Variants in VWA8 observed in about 807,000 individuals in gnomAD.
VWA8 encodes the protein von Willebrand factor A domain containing 8, also known as von Willebrand factor A domain-containing protein 8.
A neutral mutation model predicts 241.5 loss-of-function variants in VWA8; 221 were observed. That is an observed-to-expected ratio of 0.91 (90% CI 0.82 to 1.02). The LOEUF (loss-of-function observed/expected upper bound fraction) is 1.02, where lower values mean the gene tolerates loss of function less well. Ranked by LOEUF, VWA8 falls within the 50% of genes least tolerant of loss-of-function variation. VWA8 has a pLI of 0.00. For missense variants in VWA8, 2,322 were observed against 2,328.7 expected (o/e 1.00, Z 0.06); for synonymous variants, 852 against 827.1 (o/e 1.03, Z -0.52).
At position 41,732,064 on chromosome 13, in the gene VWA8, T is replaced by C; in HGVS notation, c.2502+16A>G. 1 of 1,601,734 alleles carries C rather than the reference T, an allele frequency of 6.2e-7. No homozygotes were observed. Among genetic ancestry groups the C allele is most frequent in the Non-Finnish European group, 8.5e-7 (1 of 1,171,164 alleles). ...AAAAATACACTTGAAAATATTTCTA[T>C]GATTAGGTTACTAACCAAAGGTGAG... On this transcript the variant is annotated intron_variant, in intron 22 of 44. Transcript: ENST00000379310.
At chr13:41,950,377 T>G (rs80224874) in intron 1 of VWA8, among the ~76,000 whole-genome samples, 34 of 151,968 alleles carry the variant, frequency 2.2e-4, no homozygotes, top group South Asian at 6.2e-4. Context: ...CTTTTTTTTT[T>G]TTTGTTTTTG....
intron 43 of VWA8, among the ~76,000 whole-genome samples, chr13:41,571,283 G>GTCTCCCTCTGCCA (rs2044299931): frequency 2.5e-5 from 3 of 119,778 alleles, no homozygotes; most frequent in Admixed American, 9.5e-5. Flanking sequence ...TCCCTCTCCC[G>GTCTCCCTCTGCCA]TCTCCCTCTC....
intron 13 of VWA8, 101 bp from the exon 14 acceptor site, chr13:41,830,743 A>T (rs942168803): frequency 1.4e-5 from 13 of 934,242 alleles, no homozygotes; most frequent in Non-Finnish European, 1.9e-5. Flanking sequence ...TATTGCTGGC[A>T]ATTGAGTCTA....
At chr13:41,769,548 A>G (rs2045804036) in intron 20 of VWA8, among the ~76,000 whole-genome samples, 1 of 152,214 alleles carries the variant, frequency 6.6e-6, no homozygotes, top group Non-Finnish European at 1.5e-5. Flanking sequence ...CTTAGTATGT[A>G]AAGTATAGTC....
intron 28 of VWA8, 133 bp downstream of exon 28, chr13:41,701,259 A>G (rs2045247357): frequency 8.8e-7 from 1 of 1,135,696 alleles, no homozygotes; most frequent in Admixed American, 3.1e-5. Context: ...TAAATTACAT[A>G]TAATTGCTAT....
chr13:41,761,187 CTTGTTTT>C lies in VWA8; in HGVS notation c.2360_2366del (p.Lys787ArgfsTer50). ...GCAGGTGAAGGAATCTGTCAACAAT[CTTGTTTT>C]TTCCTACACCCTGTAATTACACAGA... On this transcript the variant is annotated frameshift_variant, in exon 21 of 45. Coordinates refer to ENST00000379310, the MANE Select transcript of VWA8 (RefSeq NM_015058.2). LOFTEE classifies it high-confidence loss of function. 1.9e-6 allele frequency: 3 copies of C among 1,611,212 alleles called. No homozygotes were observed. The highest frequency in any genetic ancestry group is 2.5e-6 in the Non-Finnish European group (3 of 1,178,260).
chr13:41,906,733 T>C (rs759531716), intron 4 of VWA8, among the ~76,000 whole-genome samples: 1 of 152,182 alleles, frequency 6.6e-6, no homozygotes, highest in Non-Finnish European at 1.5e-5. Context: ...TGAGTCCAAA[T>C]GCATGTGTAA....
chr13:41,794,196 G>A (rs1002821197), intron 17 of VWA8, among the ~76,000 whole-genome samples: 1 of 151,984 alleles, frequency 6.6e-6, no homozygotes, highest in Non-Finnish European at 1.5e-5. Flanking sequence ...AGTTTAATGG[G>A]AATAACATTG....
chr13:41,906,292 A>G (rs1475249837), intron 4 of VWA8, among the ~76,000 whole-genome samples: 1 of 152,140 alleles, frequency 6.6e-6, no homozygotes, highest in Non-Finnish European at 1.5e-5. Context: ...AAGAACTACG[A>G]AAGTCTCTTC....
chr13:41,669,506 G>A (rs1211585272), intron 37 of VWA8, among the ~76,000 whole-genome samples: 1 of 152,142 alleles, frequency 6.6e-6, no homozygotes, highest in East Asian at 1.9e-4. Context: ...AGCCAGAGAA[G>A]TAACTGGAAG....
chr13:41,942,808 C>T (rs1453998740), intron 2 of VWA8, among the ~76,000 whole-genome samples: 2 of 152,196 alleles, frequency 1.3e-5, no homozygotes, highest in Non-Finnish European at 2.9e-5. Context: ...TTATCCAGTG[C>T]AAGACAGCAG....
intron 9 of VWA8, among the ~76,000 whole-genome samples, chr13:41,876,689 G>C (rs566044734): frequency 2.0e-5 from 3 of 152,116 alleles, no homozygotes; most frequent in Admixed American, 6.5e-5. Context: ...TAATTGATTG[G>C]ATGGAAGGAT....
At chr13:41,874,434 C>T (rs373022661) in intron 9 of VWA8, among the ~76,000 whole-genome samples, 6 of 152,116 alleles carry the variant, frequency 3.9e-5, no homozygotes, top group African/African-American at 1.4e-4. Flanking sequence ...ATCTAGAAAA[C>T]CCCATTGTCT....
At chr13:41,639,019 G>A (rs1190128485) in intron 37 of VWA8, among the ~76,000 whole-genome samples, 2 of 152,262 alleles carry the variant, frequency 1.3e-5, no homozygotes, top group East Asian at 1.9e-4. Flanking sequence ...AGTCAAAGGA[G>A]CTCGCTTCTG....
chr13:41,744,137 C>T (rs116530303), intron 21 of VWA8, among the ~76,000 whole-genome samples: 2,030 of 152,310 alleles, frequency 0.013, 23 homozygotes, highest in Middle Eastern at 0.054. Flanking sequence ...GTAACATTCA[C>T]GCTCCAGAAC....
rs562820856 is a variant in VWA8 at position 41,783,808 on chromosome 13, T to C, written c.2264A>G (p.Tyr755Cys). The C allele has an allele frequency of 2.9e-5, 46 of 1,612,954 alleles. No homozygotes were observed. The highest frequency in any genetic ancestry group is 2.8e-4 in the Admixed American group (17 of 59,918). The change falls in exon 19 of 45, where the codon TAT (tyrosine) becomes TGT (cysteine). Residue 755 changes from tyrosine to cysteine, a missense_variant. Transcript: ENST00000379310. Reference protein sequence around the residue: ...EKMKVPDVLFYDNIQHVIVME... With the variant: ...EKMKVPDVLFCDNIQHVIVME... ...CAATACTCTTACCTGAATGTTGTCA[T>C]AGAAAAGAACATCAGGCACTTTCAT... is the stretch of plus-strand genomic sequence containing the variant.
At chr13:41,568,635 G>T (rs936963325) in intron 44 of VWA8, among the ~76,000 whole-genome samples, 1 of 152,300 alleles carries the variant, frequency 6.6e-6, no homozygotes, top group South Asian at 2.1e-4. Context: ...GAGCCATAGG[G>T]ATTCATATGG....
At chr13:41,655,571 A>C (rs1296800732) in intron 37 of VWA8, among the ~76,000 whole-genome samples, 3 of 152,220 alleles carry the variant, frequency 2.0e-5, no homozygotes, top group African/African-American at 7.2e-5. Context: ...TGGTTACATT[A>C]TATCTGGGGA....
At chr13:41,600,196 TTAA>T (rs1335666915) in intron 40 of VWA8, among the ~76,000 whole-genome samples, 1 of 152,134 alleles carries the variant, frequency 6.6e-6, no homozygotes, top group Non-Finnish European at 1.5e-5. Flanking sequence ...GCGCTCTTCA[TTAA>T]TTTCTCCTGA....
Sources: allele counts gnomAD v4.1 joint callset (sites outside exome capture counted in the v4.1 genomes callset), GRCh38; gene constraint gnomAD v4.1.1; transcripts MANE v1.5; gene names NCBI Gene and HGNC (gene_info 2026-07-23, HGNC 2026-07-21).